CLIC4: variants seen among roughly 807,000 people sequenced by gnomAD.
The protein encoded by CLIC4 is chloride intracellular channel protein 4.
A neutral mutation model predicts 24.6 loss-of-function variants in CLIC4; 13 were observed. That is an observed-to-expected ratio of 0.53 (90% CI 0.34 to 0.84). The LOEUF is 0.84. Among genes scored for constraint, CLIC4 ranks in the 40% least tolerant of loss-of-function variants. CLIC4 has a pLI of 0.01. For missense variants in CLIC4, 227 were observed against 301.7 expected, an observed-to-expected ratio of 0.75 and a Z score of 1.83; for synonymous variants, 104 against 111.3, an observed-to-expected ratio of 0.93 and a Z score of 0.41.
chr1:24,840,871 T>C lies in CLIC4; in HGVS notation c.696T>C (p.Asn232=). The C allele has an allele frequency of 1.9e-6, 3 of 1,612,698 alleles. No individual in the cohort carries two copies. Among genetic ancestry groups the C allele is most frequent in the Non-Finnish European group, 2.5e-6 (3 of 1,179,260 alleles). Residue 232 remains asparagine, a synonymous_variant, in exon 6 of 6, where the codon AAT becomes AAC. Transcript: ENST00000374379. ...TNAYSRDEFT[N]TCPSDKEVEI... is the part of the protein sequence containing the mutation. ...CATACAGTAGGGACGAGTTCACCAATACCTGTCCCAGTGATAAGGAGGTTG... is the reference window on the plus strand; with the variant it reads ...CATACAGTAGGGACGAGTTCACCAACACCTGTCCCAGTGATAAGGAGGTTG...
intron 1 of CLIC4, among the ~76,000 whole-genome samples, chr1:24,767,049 GA>G (rs1161025896): frequency 1.8e-5 from 2 of 111,900 alleles, no homozygotes; most frequent in African/African-American, 3.5e-5. Flanking sequence ...AAAAAAAAAA[GA>G]AAAAGAAAAG....
intron 3 of CLIC4, among the ~76,000 whole-genome samples, chr1:24,817,189 G>T (rs1457276767): frequency 2.0e-5 from 3 of 152,126 alleles, no homozygotes; most frequent in Non-Finnish European, 2.9e-5. Context: ...ATTCTAGATA[G>T]ATCATTGTTG....
At chr1:24,830,927 G>A (rs907746439) in intron 4 of CLIC4, among the ~76,000 whole-genome samples, 4 of 152,122 alleles carry the variant, frequency 2.6e-5, no homozygotes, top group African/African-American at 7.2e-5. Flanking sequence ...ACTCCTTTGT[G>A]ATGATTGGTC....
chr1:24,835,837 TAAG>T (rs1307294377), intron 4 of CLIC4, among the ~76,000 whole-genome samples: 9 of 152,058 alleles, frequency 5.9e-5, no homozygotes, highest in East Asian at 1.9e-4. Context: ...GGTGGACAAA[TAAG>T]AAGTATATAG....
At chr1:24,817,539 T>C (rs944635959) in intron 3 of CLIC4, among the ~76,000 whole-genome samples, 2 of 152,236 alleles carry the variant, frequency 1.3e-5, no homozygotes, top group African/African-American at 4.8e-5. Flanking sequence ...ATGCTGTGGC[T>C]GGTTTGATTA....
intron 2 of CLIC4, among the ~76,000 whole-genome samples, chr1:24,804,556 G>A (rs1228822956): frequency 1.2e-5 from 1 of 81,622 alleles, no homozygotes; most frequent in African/African-American, 4.9e-5. Flanking sequence ...TGGGTGGGGG[G>A]ATGTGTGTAC....
At chr1:24,784,003 ATTTTTT>A in intron 1 of CLIC4, among the ~76,000 whole-genome samples, 1 of 130,258 alleles carries the variant, frequency 7.7e-6, no homozygotes, top group African/African-American at 2.8e-5. Flanking sequence ...TCCAGTTTTG[ATTTTTT>A]TTTTTTTTTT....
chr1:24,799,710 C>T lies in CLIC4; in HGVS notation c.182+1859C>T, dbSNP rs1376179899. Among the ~76,000 whole-genome samples the T allele has an allele frequency of 4.0e-5, 5 of 125,266 alleles. No homozygotes were observed. In the East Asian group the frequency reaches 1.2e-3, roughly 29 times the overall value. The allele number at this position is 125,266 out of a possible 152,430, so 82.2% of individuals were successfully genotyped here. A position where few individuals can be genotyped will look rare whatever the true frequency, so the allele number is the denominator to read the frequency against. Reference sequence around the variant, plus strand: ...TCCGGGAGGGAGGTGGGGGGGTCAGCCCCCCGCCCGGCCAGCCGCCCCGTC... The same window carrying T: ...TCCGGGAGGGAGGTGGGGGGGTCAGTCCCCCGCCCGGCCAGCCGCCCCGTC... On this transcript the variant is annotated intron_variant, in intron 2 of 5. Coordinates refer to ENST00000374379, the MANE Select transcript of CLIC4 (RefSeq NM_013943.3).
chr1:24,753,741 C>T (rs933377306), intron 1 of CLIC4, among the ~76,000 whole-genome samples: 17 of 152,048 alleles, frequency 1.1e-4, no homozygotes, highest in Admixed American at 2.0e-4. Context: ...CCACACTTTC[C>T]TGTGTTTTTG....
Position 24,840,978 on chromosome 1 carries a change from A to G in CLIC4, c.*41A>G. On this transcript the variant is annotated 3_prime_UTR_variant, in exon 6 of 6. Coordinates refer to ENST00000374379, the MANE Select transcript of CLIC4 (RefSeq NM_013943.3). The stretch of plus-strand genomic sequence containing the variant: ...AGAGATGTCTTCATGTCTTCCCCTA[A>G]GAATACGCTTTTCCTAACAGGCTAC... 4 of 1,536,420 alleles carry G rather than the reference A, an allele frequency of 2.6e-6. No homozygotes were observed. The highest frequency in any genetic ancestry group is 3.5e-6 in the Non-Finnish European group (4 of 1,136,318).
At chr1:24,747,638 G>T (rs1276957165) in intron 1 of CLIC4, among the ~76,000 whole-genome samples, 1 of 151,794 alleles carries the variant, frequency 6.6e-6, no homozygotes, top group Non-Finnish European at 1.5e-5. Flanking sequence ...TTTTTACTGA[G>T]TGAGGAATAG....
intron 1 of CLIC4, among the ~76,000 whole-genome samples, chr1:24,753,234 T>C (rs1368448754): frequency 2.6e-5 from 4 of 152,178 alleles, no homozygotes; most frequent in Non-Finnish European, 5.9e-5. Context: ...GGGCTTGGGC[T>C]AGATGATCAC....
At chr1:24,759,002 ATCT>A (rs2124087201) in intron 1 of CLIC4, among the ~76,000 whole-genome samples, 1 of 152,286 alleles carries the variant, frequency 6.6e-6, no homozygotes, top group African/African-American at 2.4e-5. Flanking sequence ...TTTTGCCTAT[ATCT>A]TCTTTAGAAC....
chr1:24,787,843 C>T (rs1639287259), intron 1 of CLIC4, among the ~76,000 whole-genome samples: 1 of 22,774 alleles, frequency 4.4e-5, no homozygotes, highest in Non-Finnish European at 1.2e-4. Flanking sequence ...CCGTGCCCGG[C>T]CATTTTTTTT....
intron 1 of CLIC4, among the ~76,000 whole-genome samples, chr1:24,789,119 T>G (rs1639304976): frequency 6.6e-6 from 1 of 152,246 alleles, no homozygotes; most frequent in African/African-American, 2.4e-5. Context: ...TTTGGACATC[T>G]GTATGACTGT....
At chr1:24,789,487 CAGCCTGAGTGACAG>C (rs1176083439) in intron 1 of CLIC4, among the ~76,000 whole-genome samples, 1 of 152,152 alleles carries the variant, frequency 6.6e-6, no homozygotes, top group African/African-American at 2.4e-5. Flanking sequence ...CATTGCATTC[CAGCCTGAGTGACAG>C]AGCAAGACTC....
chr1:24,764,331 C>T (rs1031579165), intron 1 of CLIC4, among the ~76,000 whole-genome samples: 2 of 151,814 alleles, frequency 1.3e-5, no homozygotes, highest in Non-Finnish European at 2.9e-5. Context: ...AACTCCCAAC[C>T]TCAGGTGATC....
chr1:24,781,090 A>C (rs79677146), intron 1 of CLIC4, among the ~76,000 whole-genome samples: 1 of 148,244 alleles, frequency 6.7e-6, no homozygotes, highest in Non-Finnish European at 1.5e-5. Flanking sequence ...TCCATCTCAA[A>C]AAAAAAAAAA....
At chr1:24,799,421 C>T (rs866951397) in intron 2 of CLIC4, among the ~76,000 whole-genome samples, 2 of 151,186 alleles carry the variant, frequency 1.3e-5, no homozygotes, top group Non-Finnish European at 3.0e-5. Context: ...GCAACCACCC[C>T]GTCTGAGAAG....
Sources: gnomAD v4.1 joint callset for allele counts (sites outside exome capture counted in the v4.1 genomes callset) on GRCh38, gnomAD v4.1.1 for gene constraint, MANE v1.5 for transcripts, NCBI Gene and HGNC (gene_info 2026-07-23, HGNC 2026-07-21) for gene names.